ATP10B: variants seen among roughly 807,000 people sequenced by gnomAD.
The protein encoded by ATP10B is phospholipid-transporting ATPase VB.
In ATP10B, 122 loss-of-function variants were observed where a neutral mutation model predicts 141.2. The ratio of observed to expected loss-of-function variants is 0.86; its 90% CI spans 0.75 to 1.00. The LOEUF is 1.00. Among genes scored for constraint, ATP10B ranks in the 50% least tolerant of loss-of-function variants. The probability of loss-of-function intolerance (pLI) is 0.00; values close to 1 mark genes in which losing one functional copy is unlikely to be tolerated. For synonymous variants in ATP10B, 685 were observed against 692.0 expected (o/e 0.99, Z 0.16); for missense variants, 1,876 against 1,825.3 (o/e 1.03, Z -0.51).
chr5:160,755,868 T>G (rs1768551712), intron 2 of ATP10B, among the ~76,000 whole-genome samples: 1 of 106,978 alleles, frequency 9.3e-6, no homozygotes, highest in African/African-American at 4.7e-5. Flanking sequence ...TATATATATA[T>G]ATATATATAT....
intron 1 of ATP10B, among the ~76,000 whole-genome samples, chr5:160,828,515 T>G (rs914787710): frequency 6.6e-5 from 10 of 151,976 alleles, no homozygotes; most frequent in Non-Finnish European, 7.4e-5. Context: ...AGATACCATC[T>G]CACACCAGTT....
rs79699875 is a variant in ATP10B at position 160,769,365 on chromosome 5, G to A, written c.-331+16194C>T. 3.0e-3 allele frequency among the ~76,000 whole-genome samples: 451 copies of A among 152,256 alleles called. 2 individuals carry two copies. Among genetic ancestry groups the A allele is most frequent in the African/African-American group, 0.01 (429 of 41,536 alleles). On this transcript the variant is annotated intron_variant, in intron 2 of 25. Coordinates refer to ENST00000327245, the MANE Select transcript of ATP10B (RefSeq NM_025153.3). ...GCACAGGATACCTGGAATTGGGACG[G>A]GGCCCACATTTCACAATTGTGGTAC...
intron 24 of ATP10B, among the ~76,000 whole-genome samples, chr5:160,578,990 A>C (rs2127599842): frequency 6.6e-6 from 1 of 152,330 alleles, no homozygotes; most frequent in South Asian, 2.1e-4. Context: ...TCTTTTGAGA[A>C]GTATCTGTTC....
At position 160,620,600 on chromosome 5, in the gene ATP10B, G is replaced by T. The variant is rs1325690192; in HGVS notation, c.2163C>A (p.Ser721Arg). ...ARPEFCYEAESPDEAALVHAA... is the reference protein window; with the variant it reads ...ARPEFCYEAERPDEAALVHAA... ...CGTGCACCAGGGCGGCCTCATCAGG[G>T]CTCTCAGCCTCGTAACAGAACTCAG... The change falls in exon 15 of 26, where the codon AGC becomes AGA. Residue 721 changes from serine to arginine, a missense_variant. By Grantham distance (110) the Ser-to-Arg change is moderately radical (BLOSUM62 -1). Transcript: ENST00000327245. 2 of 1,613,832 alleles carry T rather than the reference G, an allele frequency of 1.2e-6. No individual in the cohort carries two copies. Among genetic ancestry groups the T allele is most frequent in the Middle Eastern group, 1.7e-4 (1 of 6,060 alleles).
At chr5:160,716,269 T>C (rs987311096) in intron 3 of ATP10B, among the ~76,000 whole-genome samples, 1 of 152,226 alleles carries the variant, frequency 6.6e-6, no homozygotes, top group Non-Finnish European at 1.5e-5. Context: ...ATACATAGCA[T>C]ATAATAATGT....
the ATP10B span, among the ~76,000 whole-genome samples, chr5:160,863,829 C>CAA: frequency 1.3e-5 from 2 of 151,832 alleles, no homozygotes; most frequent in Non-Finnish European, 2.9e-5. Flanking sequence ...TTTATGCACA[C>CAA]AAACTAGAAA....
At chr5:160,904,462 G>T in the ATP10B span, among the ~76,000 whole-genome samples, 84 of 150,906 alleles carry the variant, frequency 5.6e-4, no homozygotes, top group African/African-American at 2.0e-3. Context: ...CTAATCTAAA[G>T]ATCTCTCTAT....
chr5:160,767,172 G>A (rs867460635), intron 2 of ATP10B, among the ~76,000 whole-genome samples: 23 of 152,180 alleles, frequency 1.5e-4, no homozygotes, highest in Non-Finnish European at 2.2e-4. Flanking sequence ...ATACATTTGT[G>A]TTGGGCTGCA....
At chr5:160,850,079 C>T (rs1753703009) in intron 1 of ATP10B, among the ~76,000 whole-genome samples, 1 of 152,024 alleles carries the variant, frequency 6.6e-6, no homozygotes, top group African/African-American at 2.4e-5. Context: ...TCCCTTCTGA[C>T]ATGGCAGAAG....
At chr5:160,596,030 T>A (rs554354300) in intron 22 of ATP10B, among the ~76,000 whole-genome samples, 21 of 152,134 alleles carry the variant, frequency 1.4e-4, no homozygotes, top group African/African-American at 4.8e-4. Context: ...GAATCCTCCC[T>A]AACTCATTTT....
At chr5:160,659,924 A>G (rs1011119512) in intron 7 of ATP10B, among the ~76,000 whole-genome samples, 2 of 152,182 alleles carry the variant, frequency 1.3e-5, no homozygotes, top group Admixed American at 1.3e-4. Flanking sequence ...TCTCAACACT[A>G]TATTACCTGG....
chr5:160,839,581 A>G (rs1775691586), intron 1 of ATP10B, among the ~76,000 whole-genome samples: 1 of 152,194 alleles, frequency 6.6e-6, no homozygotes, highest in South Asian at 2.1e-4. Context: ...TAGAAAAAAC[A>G]CAGTAAATAT....
chr5:160,634,263 G>T (rs1759177056), intron 12 of ATP10B, 91 bp downstream of exon 12: 1 of 1,575,170 alleles, frequency 6.3e-7, no homozygotes, highest in Non-Finnish European at 8.7e-7. Context: ...CTCTAAGAGA[G>T]CCAGGAGAAT....
chr5:160,872,961 G>C, the ATP10B span, among the ~76,000 whole-genome samples: 3 of 152,072 alleles, frequency 2.0e-5, no homozygotes, highest in South Asian at 6.2e-4. Context: ...AATTGCTTTT[G>C]GTGGTATGTT....
intron 1 of ATP10B, among the ~76,000 whole-genome samples, chr5:160,837,856 A>G (rs1013551921): frequency 2.0e-5 from 3 of 152,180 alleles, no homozygotes; most frequent in African/African-American, 4.8e-5. Flanking sequence ...TTAGCTCACC[A>G]AGACACAATA....
intron 3 of ATP10B, among the ~76,000 whole-genome samples, chr5:160,689,686 T>A (rs1763959006): frequency 6.6e-6 from 1 of 152,070 alleles, no homozygotes; most frequent in African/African-American, 2.4e-5. Context: ...GAGGGACCAC[T>A]TCAAAGAGAA....
Position 160,783,218 on chromosome 5 carries a change from C to G in ATP10B, c.-331+2341G>C, listed in dbSNP as rs578209469. On this transcript the variant is annotated intron_variant, in intron 2 of 25. Coordinates refer to ENST00000327245, the MANE Select transcript of ATP10B (RefSeq NM_025153.3). The stretch of plus-strand genomic sequence containing the variant: ...CAAAGTCCATTGTATCATTCTTATG[C>G]CTTCGTGTCCTCATAGCTTAGCTCC... Among the ~76,000 whole-genome samples, 9 of 151,732 alleles carry G rather than the reference C, an allele frequency of 5.9e-5. No homozygotes were observed. The East Asian group carries it at 1.8e-3, about 30-fold the overall frequency.
chr5:160,628,664 C>A (rs534333886), intron 13 of ATP10B, among the ~76,000 whole-genome samples: 1 of 152,222 alleles, frequency 6.6e-6, no homozygotes, highest in Non-Finnish European at 1.5e-5. Flanking sequence ...GGCCCCAATA[C>A]AAATTTTATG....
intron 7 of ATP10B, among the ~76,000 whole-genome samples, chr5:160,663,197 T>C (rs890409879): frequency 6.6e-6 from 1 of 152,174 alleles, no homozygotes; most frequent in Non-Finnish European, 1.5e-5. Context: ...GGTGGGACTG[T>C]AAACTAGTTC....
Sources: gnomAD v4.1 joint callset for allele counts (sites outside exome capture counted in the v4.1 genomes callset) on GRCh38, gnomAD v4.1.1 for gene constraint, MANE v1.5 for transcripts, NCBI Gene and HGNC (gene_info 2026-07-23, HGNC 2026-07-21) for gene names.